Variants in ROR2 observed in about 807,000 individuals in gnomAD.
ROR2 encodes the protein ROR family WNT receptor 2, also known as tyrosine-protein kinase transmembrane receptor ROR2.
A neutral mutation model predicts 74.9 loss-of-function variants in ROR2; 33 were observed. The observed-to-expected ratio is 0.44, with a 90% confidence interval of 0.33 to 0.59. The LOEUF (loss-of-function observed/expected upper bound fraction) is 0.59, where lower values mean the gene tolerates loss of function less well. Ranked by LOEUF, ROR2 falls within the 20% of genes least tolerant of loss-of-function variation. ROR2 has a pLI of 0.02. For missense variants in ROR2, 1,216 were observed against 1,313.8 expected, an observed-to-expected ratio of 0.93 and a Z score of 1.15; for synonymous variants, 586 against 558.7, an observed-to-expected ratio of 1.05 and a Z score of -0.69.
intron 1 of ROR2, among the ~76,000 whole-genome samples, chr9:91,904,202 G>A (rs1163180524): frequency 6.6e-6 from 1 of 151,866 alleles, no homozygotes; most frequent in African/African-American, 2.4e-5. Flanking sequence ...CACCACACCC[G>A]GGCCCAGGTC....
At chr9:91,909,860 T>TTTTTTTTTTTTTTG (rs1830926544) in intron 1 of ROR2, among the ~76,000 whole-genome samples, 1 of 127,612 alleles carries the variant, frequency 7.8e-6, no homozygotes, top group Non-Finnish European at 1.6e-5. Context: ...TTTTTTTTTT[T>TTTTTTTTTTTTTTG]TTTTTTTTTT....
chr9:91,949,495 G>A (rs1832109893), intron 1 of ROR2, among the ~76,000 whole-genome samples: 1 of 151,958 alleles, frequency 6.6e-6, no homozygotes, highest in Admixed American at 6.5e-5. Context: ...GAGGAAGCCC[G>A]GGTCCTGGGA....
chr9:91,783,976 A>G (rs1361857039), intron 1 of ROR2, among the ~76,000 whole-genome samples: 1 of 152,094 alleles, frequency 6.6e-6, no homozygotes, highest in African/African-American at 2.4e-5. Flanking sequence ...CTTGCTTTAA[A>G]TAACACCAGA....
At chr9:91,895,003 G>A (rs1401830761) in intron 1 of ROR2, among the ~76,000 whole-genome samples, 1 of 152,192 alleles carries the variant, frequency 6.6e-6, no homozygotes, top group Non-Finnish European at 1.5e-5. Flanking sequence ...ATTCATAATT[G>A]CCAAAACTTG....
intron 1 of ROR2, among the ~76,000 whole-genome samples, chr9:91,820,231 T>C (rs1688759985): frequency 6.6e-6 from 1 of 152,198 alleles, no homozygotes; most frequent in South Asian, 2.1e-4. Context: ...AACAAAACAA[T>C]GTCTGGGAAG....
rs117567222 is a variant in ROR2 at position 91,860,062 on chromosome 9, A to C, written c.98-84244T>G. 1.5e-3 allele frequency among the ~76,000 whole-genome samples: 231 copies of C among 152,044 alleles called. 3 individuals are homozygous for C. In the East Asian group the frequency reaches 0.03, roughly 20 times the overall value. The stretch of plus-strand genomic sequence containing the variant: ...GCCTCTCTTGGGGAGGCGAGTGGGG[A>C]CCCCAGTTGGCATGGTCTGAGGAAG... On this transcript the variant is annotated intron_variant, in intron 1 of 8. Transcript: ENST00000375708.
intron 5 of ROR2, among the ~76,000 whole-genome samples, chr9:91,736,274 C>T (rs1340142831): frequency 6.6e-6 from 1 of 152,200 alleles, no homozygotes; most frequent in East Asian, 1.9e-4. Flanking sequence ...AGCACATGGG[C>T]CAGGCAGTCT....
intron 2 of ROR2, among the ~76,000 whole-genome samples, chr9:91,758,314 C>G (rs539423166): frequency 4.3e-4 from 65 of 152,318 alleles, no homozygotes; most frequent in Middle Eastern, 6.8e-3. Flanking sequence ...ATCAACTGTG[C>G]TTCTCTTTCC....
At chr9:91,775,925 T>G (rs1440777432) in intron 1 of ROR2, 107 bp from the exon 2 acceptor site, 1 of 891,786 alleles carries the variant, frequency 1.1e-6, no homozygotes, top group East Asian at 2.6e-5. Context: ...TACCCAGTAT[T>G]TGTAGAAAAC....
chr9:91,894,473 G>A (rs7036219), intron 1 of ROR2, among the ~76,000 whole-genome samples: 2,800 of 152,218 alleles, frequency 0.018, 105 homozygotes, highest in African/African-American at 0.063. Flanking sequence ...TTCTCTAATG[G>A]GAACCAGAAG....
chr9:91,935,142 G>T (rs1388792689), intron 1 of ROR2, among the ~76,000 whole-genome samples: 2 of 152,122 alleles, frequency 1.3e-5, no homozygotes, highest in Non-Finnish European at 2.9e-5. Flanking sequence ...GGTCCACACT[G>T]ACACCCCCAA....
At chr9:91,830,945 C>G (rs1259253069) in intron 1 of ROR2, among the ~76,000 whole-genome samples, 1 of 151,806 alleles carries the variant, frequency 6.6e-6, no homozygotes, top group African/African-American at 2.4e-5. Flanking sequence ...TGACAGTACA[C>G]ACTTTCTATG....
intron 1 of ROR2, among the ~76,000 whole-genome samples, chr9:91,821,346 G>A (rs951095939): frequency 6.6e-6 from 1 of 152,124 alleles, no homozygotes; most frequent in Non-Finnish European, 1.5e-5. Context: ...GTATGTGATA[G>A]GCATGCATTG....
chr9:91,726,796 T>C (rs942707496), intron 7 of ROR2, 53 bp from the exon 8 acceptor site: 2 of 1,568,862 alleles, frequency 1.3e-6, no homozygotes, highest in South Asian at 2.2e-5. Flanking sequence ...TTTTCTACTC[T>C]AAGTTCTCTA....
intron 1 of ROR2, among the ~76,000 whole-genome samples, chr9:91,813,597 C>T (rs1438374771): frequency 2.0e-5 from 3 of 152,164 alleles, no homozygotes; most frequent in Non-Finnish European, 2.9e-5. Flanking sequence ...CAAACTGCAA[C>T]GCAATGTCAG....
At chr9:91,776,022 C>A (rs3802379) in intron 1 of ROR2, among the ~76,000 whole-genome samples, 1 of 152,092 alleles carries the variant, frequency 6.6e-6, no homozygotes, top group Non-Finnish European at 1.5e-5. Context: ...GATTTTGAAG[C>A]TTATCACAAG....
Position 91,897,088 on chromosome 9 carries a change from A to ACC in ROR2, c.97+52777_97+52778dup, listed in dbSNP as rs1470303786. Among the ~76,000 whole-genome samples the ACC allele has an allele frequency of 3.9e-5, 6 of 152,294 alleles. No individual in the cohort carries two copies. In the East Asian group the frequency reaches 1.2e-3, roughly 29 times the overall value. ...CACTGGCAGCTGGATGCACACGTAG[A>ACC]CCCCGTAAGTGCATAGGAAGCACGG... On this transcript the variant is annotated intron_variant, in intron 1 of 8. Coordinates refer to ENST00000375708, the MANE Select transcript of ROR2 (RefSeq NM_004560.4).
chr9:91,824,711 C>T (rs1652928024), intron 1 of ROR2, among the ~76,000 whole-genome samples: 1 of 152,198 alleles, frequency 6.6e-6, no homozygotes, highest in African/African-American at 2.4e-5. Flanking sequence ...TGCAACACCC[C>T]CATTTCCTTG....
At chr9:91,865,889 T>C (rs1254659348) in intron 1 of ROR2, among the ~76,000 whole-genome samples, 1 of 152,220 alleles carries the variant, frequency 6.6e-6, no homozygotes, top group African/African-American at 2.4e-5. Context: ...TTCTTTAAAC[T>C]GCTCCAGAGG....
Sources: allele counts gnomAD v4.1 joint callset (sites outside exome capture counted in the v4.1 genomes callset), GRCh38; gene constraint gnomAD v4.1.1; transcripts MANE v1.5; gene names NCBI Gene and HGNC (gene_info 2026-07-23, HGNC 2026-07-21).